Variants in MEIS2 observed in about 807,000 individuals in gnomAD.
MEIS2 encodes the protein Meis homeobox 2.
Under a neutral mutation model 58.6 loss-of-function variants are expected in MEIS2, and 9 were observed. That is an observed-to-expected ratio of 0.15 (90% CI 0.09 to 0.27). The LOEUF (loss-of-function observed/expected upper bound fraction) is 0.27, where lower values mean the gene tolerates loss of function less well. MEIS2 is among the 10% of genes least tolerant of loss of function. MEIS2 has a pLI of 1.00. For missense variants in MEIS2, 427 were observed against 635.0 expected (o/e 0.67, Z 3.52); for synonymous variants, 221 against 228.4 (o/e 0.97, Z 0.29).
At chr15:36,895,024 G>A (rs1567018479) in intron 11 of MEIS2, 127 bp downstream of exon 11, 1 of 924,304 alleles carries the variant, frequency 1.1e-6, no homozygotes, top group Admixed American at 2.3e-5. Flanking sequence ...TGTAAAGAAA[G>A]CAGGCAGAGC....
chr15:37,073,130 TAGTC>T (rs745877755), intron 7 of MEIS2, among the ~76,000 whole-genome samples: 9 of 152,208 alleles, frequency 5.9e-5, no homozygotes, highest in Non-Finnish European at 1.0e-4. Context: ...GCTCCACTAT[TAGTC>T]AGTCACCAAA....
chr15:37,033,418 T>G lies in MEIS2; in HGVS notation c.900+3396A>C, dbSNP rs1327265855. Reference sequence around the variant, plus strand: ...ATGCAAAATACATTTGCTTAACAAATTAAAATAATGAGATAATTCAATTAG... The same window carrying G: ...ATGCAAAATACATTTGCTTAACAAAGTAAAATAATGAGATAATTCAATTAG... On this transcript the variant is annotated intron_variant, in intron 8 of 11. Transcript: ENST00000561208. Among the ~76,000 whole-genome samples, 5 of 152,192 alleles carry G rather than the reference T, an allele frequency of 3.3e-5. No homozygotes were observed. The East Asian group carries it at 9.7e-4, about 29-fold the overall frequency.
chr15:37,089,992 C>T (rs1033255634), intron 6 of MEIS2, among the ~76,000 whole-genome samples: 4 of 152,066 alleles, frequency 2.6e-5, no homozygotes, highest in Admixed American at 2.6e-4. Flanking sequence ...CAAGTTGAAA[C>T]TTCTTTAAAA....
chr15:36,955,098 C>T (rs1177402237), intron 8 of MEIS2, among the ~76,000 whole-genome samples: 2 of 152,096 alleles, frequency 1.3e-5, no homozygotes, highest in African/African-American at 2.4e-5. Context: ...TCCTGGAATG[C>T]CAAACTTATT....
intron 8 of MEIS2, among the ~76,000 whole-genome samples, chr15:36,999,905 T>C (rs2060658807): frequency 6.6e-6 from 1 of 152,094 alleles, no homozygotes; most frequent in Non-Finnish European, 1.5e-5. Flanking sequence ...TTTTTACACA[T>C]GAGAAAATGG....
At chr15:37,034,770 C>T (rs935680766) in intron 8 of MEIS2, among the ~76,000 whole-genome samples, 4 of 152,112 alleles carry the variant, frequency 2.6e-5, no homozygotes, top group East Asian at 1.9e-4. Context: ...TGACTCTGAG[C>T]GTATTGATGG....
chr15:36,894,146 G>A (rs1217251563), intron 11 of MEIS2, among the ~76,000 whole-genome samples: 4 of 151,940 alleles, frequency 2.6e-5, no homozygotes, highest in South Asian at 2.1e-4. Context: ...GTCTCATGTC[G>A]GAAGTCAGTA....
In MEIS2 at chr15:37,092,280, T is replaced by G. The variant is rs144718327; in HGVS notation, c.639+1301A>C. 1.9e-3 allele frequency among the ~76,000 whole-genome samples: 287 copies of G among 152,354 alleles called. 2 individuals are homozygous for G. Among genetic ancestry groups the G allele is most frequent in the Admixed American group, 5.2e-3 (79 of 15,304 alleles). ...TGGCTTCCCATACAAGTGCAAAGGT[T>G]AATTATGAAAATCTATGACTGCATA... On this transcript the variant is annotated intron_variant, in intron 6 of 11. Coordinates refer to ENST00000561208, the MANE Select transcript of MEIS2 (RefSeq NM_170675.5).
At chr15:37,040,902 G>T (rs1238705560) in intron 7 of MEIS2, among the ~76,000 whole-genome samples, 2 of 152,208 alleles carry the variant, frequency 1.3e-5, no homozygotes, top group Non-Finnish European at 2.9e-5. Context: ...AATTCCTTGG[G>T]TTTGCTTATG....
intron 7 of MEIS2, among the ~76,000 whole-genome samples, chr15:37,052,445 A>G (rs1444627502): frequency 6.6e-6 from 1 of 152,044 alleles, no homozygotes; most frequent in Non-Finnish European, 1.5e-5. Context: ...TGGGTCTTGA[A>G]CTCTAAATCC....
At chr15:37,092,916 T>C (rs555143934) in intron 6 of MEIS2, among the ~76,000 whole-genome samples, 1 of 151,978 alleles carries the variant, frequency 6.6e-6, no homozygotes, top group Non-Finnish European at 1.5e-5. Flanking sequence ...GGTTACTCAA[T>C]CATAATTCCC....
rs376937889 is a variant in MEIS2, at chr15:36,922,744, C to T, written c.978-26058G>A. Among the ~76,000 whole-genome samples the T allele has an allele frequency of 2.6e-5, 4 of 151,436 alleles. No individual in the cohort carries two copies. The East Asian group carries it at 5.8e-4, about 22-fold the overall frequency. ...CAGGCGATTCTCCTGCCTCAGCTTC[C>T]CGAGTAGCTGGCGCATGCCACCACA... On this transcript the variant is annotated intron_variant, in intron 9 of 11. Transcript: ENST00000561208.
intron 7 of MEIS2, among the ~76,000 whole-genome samples, chr15:37,051,802 C>T (rs1009436987): frequency 6.6e-6 from 1 of 152,094 alleles, no homozygotes; most frequent in Non-Finnish European, 1.5e-5. Context: ...TTGAAAGAAG[C>T]TGTGAGGAGA....
At chr15:37,009,850 A>C (rs1030683880) in intron 8 of MEIS2, among the ~76,000 whole-genome samples, 2 of 152,236 alleles carry the variant, frequency 1.3e-5, no homozygotes, top group Admixed American at 6.5e-5. Context: ...ATGTGTCTAC[A>C]TAGATACACA....
intron 8 of MEIS2, among the ~76,000 whole-genome samples, chr15:37,028,898 C>T (rs2061803573): frequency 6.6e-6 from 1 of 151,002 alleles, no homozygotes; most frequent in Non-Finnish European, 1.5e-5. Context: ...ACCCCTATCT[C>T]CCATCCCCAC....
chr15:37,099,733 T>G lies in MEIS2; in HGVS notation c.-267A>C. 2.7e-6 allele frequency: 1 copy of G among 374,822 alleles called. No homozygotes were observed. 23.2% of individuals were successfully genotyped at this position (374,822 alleles called of 1,614,324 possible). ...TTCCTCCTCCTCCTCCACCTCCTCC[T>G]CCTCCCCCCTCCCCTCCTCCTCCTC... On this transcript the variant is annotated 5_prime_UTR_variant, in exon 1 of 12. Transcript: ENST00000561208.
rs114276167 is a variant in MEIS2, at chr15:36,938,326, C to T, written c.977+11998G>A. Among the ~76,000 whole-genome samples, 349 of 152,278 alleles carry T rather than the reference C, an allele frequency of 2.3e-3. 2 individuals are homozygous for T. Among genetic ancestry groups the T allele is most frequent in the African/African-American group, 7.9e-3 (329 of 41,568 alleles). On this transcript the variant is annotated intron_variant, in intron 9 of 11. Coordinates refer to ENST00000561208, the MANE Select transcript of MEIS2 (RefSeq NM_170675.5). ...TATTCTGACCTCTTTCCCTACAGGG[C>T]TCATCTTTATTTTATGCTACCTATT... is the stretch of plus-strand genomic sequence containing the variant.
At chr15:37,047,537 A>G (rs2062724834) in intron 7 of MEIS2, among the ~76,000 whole-genome samples, 1 of 152,196 alleles carries the variant, frequency 6.6e-6, no homozygotes, top group South Asian at 2.1e-4. Context: ...TGAACTGGTA[A>G]ATGTTATAAT....
intron 8 of MEIS2, among the ~76,000 whole-genome samples, chr15:37,003,937 C>G (rs12911616): frequency 0.96 from 145,593 of 152,296 alleles, 69,926 homozygotes; most frequent in East Asian, 1. Flanking sequence ...CCAGCACCAT[C>G]ATCTTGGACT....
Sources: gnomAD v4.1 joint callset for allele counts (sites outside exome capture counted in the v4.1 genomes callset) on GRCh38, gnomAD v4.1.1 for gene constraint, MANE v1.5 for transcripts, NCBI Gene and HGNC (gene_info 2026-07-23, HGNC 2026-07-21) for gene names.